Variants in MARCHF1 observed in about 807,000 individuals in gnomAD.
MARCHF1 encodes E3 ubiquitin-protein ligase MARCHF1.
Under a neutral mutation model 54.2 loss-of-function variants are expected in MARCHF1, and 40 were observed. The ratio of observed to expected loss-of-function variants is 0.74; its 90% CI spans 0.57 to 0.96. The LOEUF is 0.96. Ranked by LOEUF, MARCHF1 falls within the 40% of genes least tolerant of loss-of-function variation. The pLI, the probability that MARCHF1 is intolerant of heterozygous loss-of-function variation, is 0.00. For missense variants in MARCHF1, 586 were observed against 656.5 expected, an observed-to-expected ratio of 0.89 and a Z score of 1.17; for synonymous variants, 236 against 236.3, an observed-to-expected ratio of 1.00 and a Z score of 0.01.
chr4:163,693,270 C>T (rs902407265), intron 5 of MARCHF1, among the ~76,000 whole-genome samples: 1 of 151,448 alleles, frequency 6.6e-6, no homozygotes. Flanking sequence ...CTACTGCATG[C>T]TAGTGCATTT....
intron 2 of MARCHF1, among the ~76,000 whole-genome samples, chr4:164,016,589 T>C (rs1049021434): frequency 6.6e-6 from 1 of 152,038 alleles, no homozygotes; most frequent in African/African-American, 2.4e-5. Flanking sequence ...TGTTCACTAA[T>C]ATGTAGGAGC....
intron 7 of MARCHF1, among the ~76,000 whole-genome samples, chr4:163,598,645 CA>C (rs1458676820): frequency 6.6e-6 from 1 of 152,170 alleles, no homozygotes; most frequent in Non-Finnish European, 1.5e-5. Context: ...GTCTAAAAAG[CA>C]GTACACCTGT....
chr4:163,895,235 T>A (rs1750780794), intron 3 of MARCHF1, among the ~76,000 whole-genome samples: 1 of 152,204 alleles, frequency 6.6e-6, no homozygotes, highest in Non-Finnish European at 1.5e-5. Context: ...AGTCTAATGA[T>A]TAAGATGTCT....
intron 1 of MARCHF1, among the ~76,000 whole-genome samples, chr4:164,287,119 T>C (rs1734170657): frequency 6.7e-6 from 1 of 148,384 alleles, no homozygotes; most frequent in South Asian, 2.1e-4. Flanking sequence ...TATAAATATG[T>C]AAACATTTAT....
rs79381592 is a variant in MARCHF1 at position 163,748,309 on chromosome 4, T to C, written c.112-47446A>G. Reference sequence around the variant, plus strand: ...ACTGAGTGAGAACATCTAACAAATATCTGACTAGACAAGAGAATGAGGTAA... The same window carrying C: ...ACTGAGTGAGAACATCTAACAAATACCTGACTAGACAAGAGAATGAGGTAA... On this transcript the variant is annotated intron_variant, in intron 4 of 9. Coordinates refer to ENST00000514618, the MANE Select transcript of MARCHF1 (RefSeq NM_001394959.1). 7.5e-3 allele frequency among the ~76,000 whole-genome samples: 1,146 copies of C among 151,854 alleles called. 8 individuals are homozygous for C. Among genetic ancestry groups the C allele is most frequent in the South Asian group, 0.022 (104 of 4,816 alleles).
Position 164,276,934 on chromosome 4 carries a change from C to CTATATATATATA in MARCHF1, c.-323+106924_-323+106935dup, listed in dbSNP as rs373542049. Among the ~76,000 whole-genome samples the CTATATATATATA allele has an allele frequency of 3.4e-3, 397 of 115,340 alleles. 2 individuals are homozygous for CTATATATATATA. The highest frequency in any genetic ancestry group is 7.8e-3 in the African/African-American group (241 of 31,020). The allele number at this position is 115,340 out of a possible 152,430, so 75.7% of individuals were successfully genotyped here. A position where few individuals can be genotyped will look rare whatever the true frequency, so the allele number is the denominator to read the frequency against. ...AATGATTAGGGAAATGTCTCATATT[C>CTATATATATATA]TATATATATATATAGAGAGAGAGAG... On this transcript the variant is annotated intron_variant, in intron 1 of 9. Transcript: ENST00000514618.
chr4:163,784,140 CTTTT>C (rs397796838), intron 4 of MARCHF1, among the ~76,000 whole-genome samples: 3 of 142,900 alleles, frequency 2.1e-5, no homozygotes, highest in Non-Finnish European at 1.5e-5. Context: ...AGCAGAAATT[CTTTT>C]TTTTTTTTTT....
At chr4:164,116,347 C>T (rs902104911) in intron 1 of MARCHF1, among the ~76,000 whole-genome samples, 11 of 152,092 alleles carry the variant, frequency 7.2e-5, no homozygotes, top group Non-Finnish European at 1.2e-4. Flanking sequence ...AGTCTGCAAA[C>T]TTTTTTCATA....
At chr4:164,088,827 G>A (rs1254463738) in intron 2 of MARCHF1, among the ~76,000 whole-genome samples, 2 of 152,012 alleles carry the variant, frequency 1.3e-5, no homozygotes, top group African/African-American at 4.8e-5. Flanking sequence ...CATAAAACCA[G>A]AACAATAGTG....
At chr4:164,230,763 C>T (rs1029998462) in intron 1 of MARCHF1, among the ~76,000 whole-genome samples, 1 of 152,108 alleles carries the variant, frequency 6.6e-6, no homozygotes, top group Non-Finnish European at 1.5e-5. Context: ...TTTTGAGTTA[C>T]TAAATTCAGA....
chr4:164,155,006 C>T (rs1371737150), intron 1 of MARCHF1, among the ~76,000 whole-genome samples: 2 of 152,134 alleles, frequency 1.3e-5, no homozygotes, highest in Non-Finnish European at 2.9e-5. Context: ...TCCGACTGTC[C>T]CCAGCCAAAC....
At chr4:163,917,563 G>T (rs1221897626) in intron 3 of MARCHF1, among the ~76,000 whole-genome samples, 2 of 152,074 alleles carry the variant, frequency 1.3e-5, no homozygotes, top group Non-Finnish European at 1.5e-5. Context: ...CTTTGGTGAG[G>T]TGTCTATTCA....
At chr4:163,696,101 A>G (rs1363042457) in intron 5 of MARCHF1, among the ~76,000 whole-genome samples, 4 of 152,142 alleles carry the variant, frequency 2.6e-5, no homozygotes, top group Non-Finnish European at 5.9e-5. Flanking sequence ...AAGAGAAAGA[A>G]AGAGAGAATC....
chr4:164,268,615 T>C (rs1264706774), intron 1 of MARCHF1, among the ~76,000 whole-genome samples: 3 of 152,144 alleles, frequency 2.0e-5, no homozygotes, highest in East Asian at 1.9e-4. Flanking sequence ...CTAATATCTA[T>C]TCACCAAGCT....
chr4:163,716,659 G>A (rs534416987), intron 4 of MARCHF1, among the ~76,000 whole-genome samples: 1 of 152,296 alleles, frequency 6.6e-6, no homozygotes, highest in Non-Finnish European at 1.5e-5. Context: ...CATGATTGGT[G>A]CTTCAGGGAC....
At chr4:163,755,185 T>C (rs2110797964) in intron 4 of MARCHF1, among the ~76,000 whole-genome samples, 1 of 152,308 alleles carries the variant, frequency 6.6e-6, no homozygotes, top group Non-Finnish European at 1.5e-5. Flanking sequence ...GTCAATAGTG[T>C]TGCTGTTAAG....
chr4:163,718,686 T>A (rs1377720455), intron 4 of MARCHF1, among the ~76,000 whole-genome samples: 4 of 152,202 alleles, frequency 2.6e-5, no homozygotes, highest in Admixed American at 2.6e-4. Flanking sequence ...ACAAGCCTTT[T>A]TTTTCCTTAT....
At chr4:164,173,464 G>C (rs1730581062) in intron 1 of MARCHF1, among the ~76,000 whole-genome samples, 1 of 152,132 alleles carries the variant, frequency 6.6e-6, no homozygotes, top group South Asian at 2.1e-4. Context: ...AAATAATAAT[G>C]GCAGACGCAA....
At chr4:163,637,733 C>T (rs1447039340) in intron 5 of MARCHF1, among the ~76,000 whole-genome samples, 22 of 151,562 alleles carry the variant, frequency 1.5e-4, no homozygotes, top group Middle Eastern at 3.4e-3. Context: ...CCCAGCCATC[C>T]CATTACTGGG....
Sources: gnomAD v4.1 joint callset for allele counts (sites outside exome capture counted in the v4.1 genomes callset) on GRCh38, gnomAD v4.1.1 for gene constraint, MANE v1.5 for transcripts, NCBI Gene and HGNC (gene_info 2026-07-23, HGNC 2026-07-21) for gene names.